Variants in NEGR1 observed in about 807,000 individuals in gnomAD.
NEGR1 encodes the protein neuronal growth regulator 1.
Under a neutral mutation model 40.9 loss-of-function variants are expected in NEGR1, and 10 were observed. The ratio of observed to expected loss-of-function variants is 0.24; its 90% CI spans 0.15 to 0.42. The LOEUF is 0.42. Ranked by LOEUF, NEGR1 falls within the 10% of genes least tolerant of loss-of-function variation. NEGR1 has a pLI of 1.00. For synonymous variants in NEGR1, 185 were observed against 166.8 expected (o/e 1.11, Z -0.84); for missense variants, 352 against 438.9 (o/e 0.80, Z 1.77).
intron 1 of NEGR1, among the ~76,000 whole-genome samples, chr1:72,258,717 C>A (rs895826502): frequency 6.6e-6 from 1 of 152,028 alleles, no homozygotes; most frequent in Non-Finnish European, 1.5e-5. Context: ...ATAATGAGTA[C>A]TGAGAAATAG....
Position 72,250,554 on chromosome 1 carries a change from C to T in NEGR1, c.176+31765G>A, listed in dbSNP as rs151283082. ...AAAGAAATATGAAAAACAATTAAGTCAATCTACTTTCATTTGCCACTGTGG... is the reference window on the plus strand; with the variant it reads ...AAAGAAATATGAAAAACAATTAAGTTAATCTACTTTCATTTGCCACTGTGG... On this transcript the variant is annotated intron_variant, in intron 1 of 6. Transcript: ENST00000357731. 3.7e-3 allele frequency among the ~76,000 whole-genome samples: 570 copies of T among 152,198 alleles called. 8 individuals are homozygous for T. The highest frequency in any genetic ancestry group is 4.7e-3 in the Non-Finnish European group (318 of 68,004).
At chr1:71,463,396 G>A (rs997070350) in intron 6 of NEGR1, 1 of 152,066 alleles carries the variant, frequency 6.6e-6, no homozygotes, top group East Asian at 1.9e-4. Context: ...CTAATGGAAC[G>A]GGAACGAACA....
intron 1 of NEGR1, among the ~76,000 whole-genome samples, chr1:72,067,537 C>T (rs1171152125): frequency 6.6e-6 from 1 of 151,996 alleles, no homozygotes; most frequent in African/African-American, 2.4e-5. Context: ...AGATAAGGTA[C>T]CATAATTTAC....
At chr1:71,789,010 A>G in intron 2 of NEGR1, among the ~76,000 whole-genome samples, 1 of 152,160 alleles carries the variant, frequency 6.6e-6, no homozygotes, top group East Asian at 1.9e-4. Flanking sequence ...ACCTTAAGGA[A>G]AATTCACCCA....
intron 3 of NEGR1, among the ~76,000 whole-genome samples, chr1:71,729,635 G>A (rs1654787886): frequency 1.3e-5 from 2 of 151,742 alleles, no homozygotes; most frequent in African/African-American, 4.8e-5. Flanking sequence ...AATAATTTTT[G>A]TTGTTGTTTT....
intron 1 of NEGR1, among the ~76,000 whole-genome samples, chr1:72,089,493 G>A (rs978522141): frequency 3.9e-5 from 6 of 151,996 alleles, no homozygotes; most frequent in Admixed American, 1.3e-4. Context: ...TGATTAATTC[G>A]TATAAAGTAA....
intron 1 of NEGR1, among the ~76,000 whole-genome samples, chr1:71,954,700 T>C (rs1361973288): frequency 6.6e-6 from 1 of 152,116 alleles, no homozygotes; most frequent in African/African-American, 2.4e-5. Context: ...TGATCAATGC[T>C]TTTCTGACTT....
chr1:72,020,028 G>C (rs796795099), intron 1 of NEGR1, among the ~76,000 whole-genome samples: 1 of 152,152 alleles, frequency 6.6e-6, no homozygotes, highest in African/African-American at 2.4e-5. Context: ...TAAATTAAAA[G>C]GTGGGTGGGT....
intron 6 of NEGR1, among the ~76,000 whole-genome samples, chr1:71,542,539 T>C (rs1647746169): frequency 1.3e-5 from 2 of 151,830 alleles, no homozygotes; most frequent in East Asian, 2.0e-4. Flanking sequence ...GTTCCTCCTA[T>C]TGAGAAGGAA....
intron 3 of NEGR1, among the ~76,000 whole-genome samples, chr1:71,770,045 C>T (rs528234390): frequency 6.6e-6 from 1 of 152,276 alleles, no homozygotes; most frequent in South Asian, 2.1e-4. Flanking sequence ...ATCTTAATCA[C>T]TAGGCCCTAC....
chr1:72,134,259 A>C (rs2100320523), intron 1 of NEGR1, among the ~76,000 whole-genome samples: 1 of 138,534 alleles, frequency 7.2e-6, no homozygotes, highest in South Asian at 2.3e-4. Context: ...CCCAGGCTGG[A>C]GTGTGTCACG....
At chr1:72,042,650 C>T (rs913536552) in intron 1 of NEGR1, among the ~76,000 whole-genome samples, 6 of 152,008 alleles carry the variant, frequency 3.9e-5, no homozygotes, top group Non-Finnish European at 7.4e-5. Context: ...AATAGAGAAA[C>T]GCAAGTCACT....
At chr1:72,151,651 G>A (rs1425524583) in intron 1 of NEGR1, among the ~76,000 whole-genome samples, 2 of 151,514 alleles carry the variant, frequency 1.3e-5, no homozygotes, top group African/African-American at 2.4e-5. Flanking sequence ...AGAAGTCAAC[G>A]GGAAATATAA....
chr1:71,534,362 T>G (rs1647450297), intron 6 of NEGR1, among the ~76,000 whole-genome samples: 1 of 151,620 alleles, frequency 6.6e-6, no homozygotes. Context: ...TGTGGGTATG[T>G]GGGAGACTAA....
chr1:71,580,101 T>A (rs1488458935), intron 6 of NEGR1, among the ~76,000 whole-genome samples: 3 of 151,986 alleles, frequency 2.0e-5, no homozygotes, highest in Non-Finnish European at 4.4e-5. Flanking sequence ...ATGTGGCACA[T>A]ATACACCATG....
chr1:72,015,994 T>C (rs950062364), intron 1 of NEGR1, among the ~76,000 whole-genome samples: 3 of 152,298 alleles, frequency 2.0e-5, no homozygotes, highest in Admixed American at 6.5e-5. Flanking sequence ...GCAAAAATAG[T>C]GTAGTGACTT....
chr1:71,872,897 C>G (rs55685700), intron 2 of NEGR1, among the ~76,000 whole-genome samples: 1 of 151,964 alleles, frequency 6.6e-6, no homozygotes, highest in African/African-American at 2.4e-5. Context: ...TGTTCTCTCT[C>G]TTTTTACTTC....
chr1:72,037,654 A>G (rs867674781), intron 1 of NEGR1, among the ~76,000 whole-genome samples: 24 of 152,284 alleles, frequency 1.6e-4, no homozygotes, highest in Middle Eastern at 3.4e-3. Flanking sequence ...ATAATTTTAT[A>G]TTCAGAATTA....
intron 5 of NEGR1, among the ~76,000 whole-genome samples, 155 bp from the exon 6 acceptor site, chr1:71,593,123 A>G (rs1161392059): frequency 2.6e-5 from 4 of 152,156 alleles, no homozygotes; most frequent in African/African-American, 9.7e-5. Context: ...TTTCACTTAC[A>G]TTAGTAGATT....
Sources: gnomAD v4.1 joint callset for allele counts (sites outside exome capture counted in the v4.1 genomes callset) on GRCh38, gnomAD v4.1.1 for gene constraint, MANE v1.5 for transcripts, NCBI Gene and HGNC (gene_info 2026-07-23, HGNC 2026-07-21) for gene names.